CELF2: variants seen among roughly 807,000 people sequenced by gnomAD.
CELF2 encodes CUG triplet repeat RNA-binding protein 2.
In CELF2, 8 loss-of-function variants were observed where a neutral mutation model predicts 62.6. That is an observed-to-expected ratio of 0.13 (90% confidence interval 0.07 to 0.23). CELF2 has a LOEUF of 0.23. CELF2 is among the 10% of genes least tolerant of loss of function. The pLI is 1.00. For synonymous variants in CELF2, 258 were observed against 250.0 expected, an observed-to-expected ratio of 1.03 and a Z score of -0.30; for missense variants, 333 against 671.0, an observed-to-expected ratio of 0.50 and a Z score of 5.56.
chr10:10,663,452 C>G, the CELF2 span, among the ~76,000 whole-genome samples: 625 of 152,294 alleles, frequency 4.1e-3, 10 homozygotes, highest in African/African-American at 0.014. Flanking sequence ...TGACCAGTCT[C>G]AAACTAATAT....
At position 11,107,773 on chromosome 10, in the gene CELF2, T is replaced by A. The variant is rs1026174571; in HGVS notation, c.75-57713T>A. On this transcript the variant is annotated intron_variant, in intron 1 of 12. Coordinates refer to ENST00000633077, the MANE Select transcript of CELF2 (RefSeq NM_001326342.2). The stretch of plus-strand genomic sequence containing the variant: ...TTCTCTCATTCCCCCTTTTGCTTCC[T>A]CTCATTCTTCCTTTCCCCTTTCCTC... 2.1e-4 allele frequency among the ~76,000 whole-genome samples: 31 copies of A among 148,656 alleles called. 1 individual carries two copies. Among genetic ancestry groups the A allele is most frequent in the Admixed American group, 1.2e-3 (18 of 14,966 alleles).
chr10:10,538,287 T>G, the CELF2 span, among the ~76,000 whole-genome samples: 1 of 152,294 alleles, frequency 6.6e-6, no homozygotes, highest in East Asian at 1.9e-4. Context: ...CATCTGCCAT[T>G]GGCTGAACTC....
the CELF2 span, among the ~76,000 whole-genome samples, chr10:10,768,141 G>C: frequency 6.6e-6 from 1 of 150,690 alleles, no homozygotes; most frequent in Non-Finnish European, 1.5e-5. Context: ...ACTCCATCCT[G>C]GGCAACAGAG....
chr10:11,264,035 C>T (rs1331309652), intron 5 of CELF2, among the ~76,000 whole-genome samples: 1 of 152,144 alleles, frequency 6.6e-6, no homozygotes, highest in Non-Finnish European at 1.5e-5. Flanking sequence ...CCTAAGGAGA[C>T]AGCTTCTGTC....
At chr10:10,562,596 T>C in the CELF2 span, among the ~76,000 whole-genome samples, 2 of 152,162 alleles carry the variant, frequency 1.3e-5, no homozygotes, top group African/African-American at 2.4e-5. Context: ...TCTAGCGACC[T>C]CACCGTGTCT....
chr10:10,844,281 T>C (rs10752209), intron 1 of CELF2, among the ~76,000 whole-genome samples: 111,985 of 151,888 alleles, frequency 0.74, 41,754 homozygotes, highest in East Asian at 0.97. Context: ...AAGTTCCTTT[T>C]TCAAAACATT....
intron 1 of CELF2, among the ~76,000 whole-genome samples, chr10:11,069,593 GA>G (rs2069167875): frequency 6.6e-6 from 1 of 152,206 alleles, no homozygotes; most frequent in Admixed American, 6.5e-5. Context: ...CATCTTTTAA[GA>G]TGTTTGTTTA....
At chr10:10,604,371 G>T in the CELF2 span, among the ~76,000 whole-genome samples, 2 of 152,132 alleles carry the variant, frequency 1.3e-5, no homozygotes, top group Non-Finnish European at 2.9e-5. Context: ...TGACCAAAAG[G>T]ATAAAACAAG....
In CELF2 at chr10:10,818,655, G is replaced by A. The variant is rs770711132; in HGVS notation, c.53+19838G>A. 4.0e-5 allele frequency among the ~76,000 whole-genome samples: 6 copies of A among 150,036 alleles called. No homozygotes were observed. In the Admixed American group the frequency reaches 4.0e-4, roughly 10 times the overall value. On this transcript the variant is annotated intron_variant, in intron 1 of 13. Coordinates refer to the CELF2 transcript ENST00000636488. ...TGCAGCCTCCACCTCCCAGGTTCAA[G>A]TGATTCTCATGCCTCAGCCTCCTGA...
intron 1 of CELF2, among the ~76,000 whole-genome samples, chr10:11,059,729 A>C (rs1490357019): frequency 6.6e-6 from 1 of 152,212 alleles, no homozygotes; most frequent in Non-Finnish European, 1.5e-5. Context: ...AGGGAAGCGC[A>C]GCCTCAGGCA....
At chr10:10,528,873 C>T in the CELF2 span, among the ~76,000 whole-genome samples, 2 of 152,100 alleles carry the variant, frequency 1.3e-5, no homozygotes, top group East Asian at 1.9e-4. Context: ...TTTATTTTGA[C>T]GCGATTATTT....
chr10:10,966,197 G>A (rs1564279208), intron 2 of CELF2, among the ~76,000 whole-genome samples: 1 of 152,178 alleles, frequency 6.6e-6, no homozygotes. Context: ...AGCACTCTGA[G>A]AATGTGTATC....
chr10:10,912,739 A>G (rs1315346380), intron 1 of CELF2, among the ~76,000 whole-genome samples: 1 of 152,208 alleles, frequency 6.6e-6, no homozygotes, highest in Non-Finnish European at 1.5e-5. Flanking sequence ...AGTATACAGC[A>G]TAGATAACAT....
At chr10:11,107,824 C>G (rs893505363) in intron 1 of CELF2, among the ~76,000 whole-genome samples, 3 of 138,360 alleles carry the variant, frequency 2.2e-5, no homozygotes, top group Non-Finnish European at 3.2e-5. Context: ...CTTCTTCCCC[C>G]TCCTCCCTCC....
chr10:11,184,417 T>C (rs966859123), intron 2 of CELF2, among the ~76,000 whole-genome samples: 2 of 152,248 alleles, frequency 1.3e-5, no homozygotes, highest in Non-Finnish European at 2.9e-5. Context: ...TAGGATCATT[T>C]GGGCAGTTTT....
the CELF2 span, among the ~76,000 whole-genome samples, chr10:10,754,071 T>TTTTG: frequency 2.0e-5 from 3 of 148,582 alleles, no homozygotes; most frequent in African/African-American, 7.6e-5. Flanking sequence ...GTTTTTTTTT[T>TTTTG]TTTTTTTTTT....
At chr10:10,839,775 G>C (rs1471106786) in intron 1 of CELF2, among the ~76,000 whole-genome samples, 1 of 152,142 alleles carries the variant, frequency 6.6e-6, no homozygotes, top group Non-Finnish European at 1.5e-5. Flanking sequence ...AAGGCTCTAA[G>C]GGTTTGAACG....
rs1359141379 is a variant in CELF2, at chr10:10,988,292, T to TAG, written c.89+68294_89+68295insGA. Among the ~76,000 whole-genome samples the TAG allele has an allele frequency of 1.6e-3, 241 of 148,906 alleles. 1 individual carries two copies. Among genetic ancestry groups the TAG allele is most frequent in the African/African-American group, 2.1e-3 (84 of 39,484 alleles). On this transcript the variant is annotated intron_variant, in intron 2 of 13. Coordinates refer to the CELF2 transcript ENST00000636488. Reference sequence around the variant, plus strand: ...ATGTGTGTGTGTATATATATATATATATAGAGAGAGAGAGAGAGAGAGCAT... The same window carrying TAG: ...ATGTGTGTGTGTATATATATATATATAGATAGAGAGAGAGAGAGAGAGAGCAT...
chr10:10,496,091 C>T, the CELF2 span, among the ~76,000 whole-genome samples: 1 of 152,168 alleles, frequency 6.6e-6, no homozygotes, highest in African/African-American at 2.4e-5. Context: ...TTGCTCATGT[C>T]CCCATTTGAC....
Sources: gnomAD v4.1 joint callset for allele counts (sites outside exome capture counted in the v4.1 genomes callset) on GRCh38, gnomAD v4.1.1 for gene constraint, MANE v1.5 for transcripts, NCBI Gene and HGNC (gene_info 2026-07-23, HGNC 2026-07-21) for gene names.